Variants in ITSN2 observed in about 807,000 individuals in gnomAD.
The protein encoded by ITSN2 is intersectin 2.
A neutral mutation model predicts 243.7 loss-of-function variants in ITSN2; 156 were observed. The observed-to-expected ratio is 0.64, with a 90% CI of 0.56 to 0.73. The LOEUF is 0.73. Among genes scored for constraint, ITSN2 ranks in the 30% least tolerant of loss-of-function variants. ITSN2 has a pLI of 0.00. For synonymous variants in ITSN2, 703 were observed against 699.9 expected, an observed-to-expected ratio of 1.00 and a Z score of -0.07; for missense variants, 1,801 against 1,996.1, an observed-to-expected ratio of 0.90 and a Z score of 1.86.
At position 24,298,788 on chromosome 2, in the gene ITSN2, T is replaced by C. The variant is rs116395701; in HGVS notation, c.1371A>G (p.Gln457=). 18 of 1,603,276 alleles carry C rather than the reference T, an allele frequency of 1.1e-5. No homozygotes were observed. The highest frequency in any genetic ancestry group is 2.7e-5 in the African/African-American group (2 of 74,142). The change falls in exon 13 of 40, where the codon CAA becomes CAG. Residue 457 remains glutamine (Q), a synonymous_variant. Transcript: ENST00000355123. ...REAAKQELER[Q]RRLEWERIRR... ...GAATTCTCTCCCATTCTAAGCGACG[T>C]TGTCGTTCAAGTTCCTGTTTTGCTG...
intron 17 of ITSN2, among the ~76,000 whole-genome samples, chr2:24,283,034 A>AC (rs1679012005): frequency 6.6e-6 from 1 of 151,506 alleles, no homozygotes; most frequent in Admixed American, 6.6e-5. Context: ...AAAAAAAAAA[A>AC]AGATTTTCCT....
At chr2:24,355,822 T>C (rs755868914) in intron 1 of ITSN2, among the ~76,000 whole-genome samples, 28 of 152,170 alleles carry the variant, frequency 1.8e-4, no homozygotes, top group Admixed American at 7.2e-4. Context: ...CCCAGCACTA[T>C]AGGAGGCCGA....
upstream of ITSN2, among the ~76,000 whole-genome samples, chr2:24,361,188 CTG>C (rs1451077592): frequency 6.6e-6 from 1 of 152,196 alleles, no homozygotes; most frequent in Non-Finnish European, 1.5e-5. Flanking sequence ...TAGGAAGACT[CTG>C]TCCCCATAGA....
At chr2:24,230,064 A>T (rs921325560) in intron 29 of ITSN2, among the ~76,000 whole-genome samples, 1 of 152,158 alleles carries the variant, frequency 6.6e-6, no homozygotes, top group Non-Finnish European at 1.5e-5. Context: ...CAGCCTGAAC[A>T]TCTTCCCTGA....
chr2:24,260,401 T>C (rs974630850), intron 22 of ITSN2, among the ~76,000 whole-genome samples: 1 of 151,468 alleles, frequency 6.6e-6, no homozygotes, highest in Non-Finnish European at 1.5e-5. Flanking sequence ...TTGCAATAGT[T>C]ATATCTAAAT....
chr2:24,258,594 T>C (rs1675371586), intron 22 of ITSN2, among the ~76,000 whole-genome samples: 3 of 152,210 alleles, frequency 2.0e-5, no homozygotes, highest in Admixed American at 2.0e-4. Context: ...TTTTGTTCCT[T>C]TAATAAGGCT....
At position 24,269,072 on chromosome 2, in the gene ITSN2, CCTA is replaced by C. The variant is rs1677031398; in HGVS notation, c.2355+1596_2355+1598del. 2.7e-5 allele frequency among the ~76,000 whole-genome samples: 4 copies of C among 146,094 alleles called. No individual in the cohort carries two copies. In the South Asian group the frequency reaches 8.6e-4, roughly 31 times the overall value. The stretch of plus-strand genomic sequence containing the variant: ...TAAACTCTCCTGTTTTTTTTTTTTT[CCTA>C]CTACTAGTCACTCCTTTTAAGGCTC... On this transcript the variant is annotated intron_variant, in intron 20 of 39. Transcript: ENST00000355123.
At chr2:24,305,459 G>T (rs1231529382) in intron 8 of ITSN2, among the ~76,000 whole-genome samples, 2 of 151,762 alleles carry the variant, frequency 1.3e-5, no homozygotes, top group African/African-American at 2.4e-5. Flanking sequence ...AGCTGGGCGT[G>T]GTGGCGTGTG....
chr2:24,307,861 C>T (rs1466420483), intron 8 of ITSN2, among the ~76,000 whole-genome samples: 27 of 152,158 alleles, frequency 1.8e-4, no homozygotes, highest in Non-Finnish European at 1.5e-5. Flanking sequence ...TGTCGAAATC[C>T]TAACTTTTTC....
chr2:24,347,062 A>C (rs1205788062), intron 1 of ITSN2, among the ~76,000 whole-genome samples: 1 of 151,890 alleles, frequency 6.6e-6, no homozygotes, highest in Non-Finnish European at 1.5e-5. Flanking sequence ...ACAGGGTTTC[A>C]CCATATTGGC....
At position 24,204,453 on chromosome 2, in the gene ITSN2, A is replaced by G. The variant is rs1668632694; in HGVS notation, c.4763-35T>C. On this transcript the variant is annotated intron_variant, in intron 38 of 39. Coordinates refer to ENST00000355123, the MANE Select transcript of ITSN2 (RefSeq NM_006277.3). The surrounding 1 kb of genome is among the most constrained non-coding windows in gnomAD (Gnocchi z 5.1). ...AACAAACCACAGACACATGTGGTGC[A>G]TGCAGGTAAAACGAAGCGACTGACA... is the stretch of plus-strand genomic sequence containing the variant. 1 of 1,592,748 alleles carries G rather than the reference A, an allele frequency of 6.3e-7. No individual in the cohort carries two copies. The highest frequency in any genetic ancestry group is 8.6e-7 in the Non-Finnish European group (1 of 1,160,626).
At chr2:24,269,777 C>T (rs1677120182) in intron 20 of ITSN2, among the ~76,000 whole-genome samples, 1 of 152,198 alleles carries the variant, frequency 6.6e-6, no homozygotes. Context: ...TAAGTAAACT[C>T]TTGACCAAAC....
At position 24,310,270 on chromosome 2, in the gene ITSN2, T is replaced by G. The variant is rs370087982; in HGVS notation, c.653+14A>C. 2 of 1,535,616 alleles carry G rather than the reference T, an allele frequency of 1.3e-6. No individual in the cohort carries two copies. Among genetic ancestry groups the G allele is most frequent in the Admixed American group, 1.8e-5 (1 of 55,166 alleles). ...CTGAAAGCATAAAAAGTTGTCAGAG[T>G]TAGCTATTCATACCTACTAGATCCT... is the stretch of plus-strand genomic sequence containing the variant. On this transcript the variant is annotated intron_variant, in intron 7 of 39. Transcript: ENST00000355123.
At chr2:24,284,236 A>C (rs1679184866) in intron 17 of ITSN2, among the ~76,000 whole-genome samples, 1 of 152,226 alleles carries the variant, frequency 6.6e-6, no homozygotes, top group African/African-American at 2.4e-5. Context: ...CTGATGTGCA[A>C]GCATGTCTAA....
At chr2:24,357,117 C>G (rs1278792022) in intron 1 of ITSN2, among the ~76,000 whole-genome samples, 1 of 152,118 alleles carries the variant, frequency 6.6e-6, no homozygotes, top group Non-Finnish European at 1.5e-5. Context: ...CCAGCAATCT[C>G]ATTAATGGGT....
intron 29 of ITSN2, among the ~76,000 whole-genome samples, chr2:24,236,403 TA>T (rs1672154969): frequency 6.6e-6 from 1 of 152,174 alleles, no homozygotes; most frequent in African/African-American, 2.4e-5. Flanking sequence ...TTTGAGGTGA[TA>T]AAAATGTCTT....
chr2:24,292,822 G>T (rs1302971697), intron 15 of ITSN2, among the ~76,000 whole-genome samples: 1 of 152,166 alleles, frequency 6.6e-6, no homozygotes, highest in South Asian at 2.1e-4. Flanking sequence ...CAGTGATTTG[G>T]TTTCTCATTT....
rs772873432 is a variant in ITSN2 at position 24,293,699 on chromosome 2, C to T, written c.1712G>A (p.Ser571Asn). The change falls in exon 15 of 40, where the codon AGT becomes AAT. Residue 571 changes from serine (S) to asparagine (N), a missense_variant. By Grantham distance (46) the Ser-to-Asn change is conservative. Around this residue, in one of 5 missense-constraint regions of ITSN2, gnomAD observed 787 missense variants for 803.9 expected, o/e 0.98. Transcript: ENST00000355123. ...LNERIKNMQF[S>N]NTPDSGVSLL... is the part of the protein sequence containing the mutation. ...CCTTAGAGACTTACCAGGTGTGTTACTGAACTGCATGTTTTTAATTCTTTC... is the reference window on the plus strand; with the variant it reads ...CCTTAGAGACTTACCAGGTGTGTTATTGAACTGCATGTTTTTAATTCTTTC... 1 of 1,184,032 alleles carries T rather than the reference C, an allele frequency of 8.4e-7. No homozygotes were observed. The highest frequency in any genetic ancestry group is 2.6e-5 in the East Asian group (1 of 38,402). 73.3% of individuals were successfully genotyped at this position (1,184,032 alleles called of 1,614,324 possible). A position where few individuals can be genotyped will look rare whatever the true frequency, so the allele number is the denominator to read the frequency against.
intron 1 of ITSN2, among the ~76,000 whole-genome samples, chr2:24,342,816 C>A (rs945046423): frequency 6.6e-6 from 1 of 151,916 alleles, no homozygotes; most frequent in African/African-American, 2.4e-5. Flanking sequence ...GCTGGCCTGG[C>A]ACAGTGGCTC....
Sources: allele counts gnomAD v4.1 joint callset (sites outside exome capture counted in the v4.1 genomes callset), GRCh38; gene constraint gnomAD v4.1.1; regional missense constraint gnomAD v4.1.1; non-coding constraint Gnocchi (gnomAD v3.1); transcripts MANE v1.5; gene names NCBI Gene and HGNC (gene_info 2026-07-23, HGNC 2026-07-21).